The following SPMIP11 variants were observed in gnomAD, a reference collection of about 807,000 sequenced individuals.
The protein encoded by SPMIP11 is long intergenic non-protein coding RNA 935.
chr12:48,760,123 G>A, the SPMIP11 span, among the ~76,000 whole-genome samples: 1 of 151,798 alleles, frequency 6.6e-6, no homozygotes, highest in Non-Finnish European at 1.5e-5. Flanking sequence ...ATTAGACTTG[G>A]AAGCAGAAGA....
At chr12:48,736,721 A>T in the SPMIP11 span, among the ~76,000 whole-genome samples, 5 of 141,940 alleles carry the variant, frequency 3.5e-5, no homozygotes, top group Admixed American at 7.2e-5. Context: ...TTCTTGGCTT[A>T]CTCCCTCCTG....
chr12:48,734,913 G>C, the SPMIP11 span, among the ~76,000 whole-genome samples: 3 of 147,770 alleles, frequency 2.0e-5, no homozygotes, highest in African/African-American at 7.5e-5. Context: ...GCTGAGGCAG[G>C]AGAATGGCAT....
chr12:48,763,681 C>CTTTT, the SPMIP11 span, among the ~76,000 whole-genome samples: 1 of 137,446 alleles, frequency 7.3e-6, no homozygotes, highest in Admixed American at 7.3e-5. Context: ...AGTAAAAGTA[C>CTTTT]TTTTTTTTTT....
At chr12:48,747,431 A>T in the SPMIP11 span, among the ~76,000 whole-genome samples, 2 of 152,218 alleles carry the variant, frequency 1.3e-5, no homozygotes, top group African/African-American at 2.4e-5. Flanking sequence ...ATTCAAAGCC[A>T]AAACTGTAGC....
the SPMIP11 span, chr12:48,765,526 G>A: frequency 1.4e-6 from 1 of 697,730 alleles, no homozygotes; most frequent in East Asian, 2.7e-5. Flanking sequence ...ACCGCGCCCA[G>A]CCTCTTGGGA....
At chr12:48,736,390 G>A in the SPMIP11 span, among the ~76,000 whole-genome samples, 1 of 148,176 alleles carries the variant, frequency 6.7e-6, no homozygotes, top group East Asian at 2.0e-4. Flanking sequence ...CTCCAGCCTG[G>A]GCAACAGAGT....
the SPMIP11 span, among the ~76,000 whole-genome samples, chr12:48,741,884 C>T: frequency 6.6e-6 from 1 of 152,118 alleles, no homozygotes. Flanking sequence ...AGCGATTCTC[C>T]CGCCCCAGCC....
chr12:48,745,776 TTG>T, the SPMIP11 span, among the ~76,000 whole-genome samples: 1 of 152,182 alleles, frequency 6.6e-6, no homozygotes, highest in Middle Eastern at 3.2e-3. Flanking sequence ...AATTATTTAA[TTG>T]TGTATCAAAA....
At chr12:48,748,437 C>T in the SPMIP11 span, among the ~76,000 whole-genome samples, 1 of 151,926 alleles carries the variant, frequency 6.6e-6, no homozygotes, top group Non-Finnish European at 1.5e-5. Flanking sequence ...CCCTCCTCTC[C>T]CCACTACCAT....
At chr12:48,746,829 G>A in the SPMIP11 span, among the ~76,000 whole-genome samples, 3 of 152,008 alleles carry the variant, frequency 2.0e-5, no homozygotes, top group Non-Finnish European at 4.4e-5. Flanking sequence ...GCTGAGGCAG[G>A]AGAATCACTT....
chr12:48,733,479 A>G, the SPMIP11 span, among the ~76,000 whole-genome samples: 1 of 152,202 alleles, frequency 6.6e-6, no homozygotes, highest in Non-Finnish European at 1.5e-5. Flanking sequence ...CTGTGATCCA[A>G]AAATATTAAA....
At chr12:48,746,584 C>T in the SPMIP11 span, among the ~76,000 whole-genome samples, 1 of 151,656 alleles carries the variant, frequency 6.6e-6, no homozygotes, top group Non-Finnish European at 1.5e-5. Context: ...TCAGGCTGAT[C>T]TCGAACCCCT....
chr12:48,758,118 C>T, the SPMIP11 span, among the ~76,000 whole-genome samples: 12 of 151,824 alleles, frequency 7.9e-5, no homozygotes, highest in South Asian at 4.2e-4. Context: ...CAGTGAGCTA[C>T]GATTGCACCA....
the SPMIP11 span, among the ~76,000 whole-genome samples, chr12:48,762,900 T>G: frequency 7.2e-5 from 11 of 151,966 alleles, no homozygotes; most frequent in Non-Finnish European, 1.3e-4. Flanking sequence ...GATTTCCCTG[T>G]TTTTGTTTTT....
the SPMIP11 span, among the ~76,000 whole-genome samples, chr12:48,732,379 T>C: frequency 6.6e-6 from 1 of 152,084 alleles, no homozygotes; most frequent in African/African-American, 2.4e-5. Context: ...GCTCACCTAA[T>C]CAGCACCTAC....
the SPMIP11 span, among the ~76,000 whole-genome samples, chr12:48,755,249 G>C: frequency 6.6e-6 from 1 of 152,068 alleles, no homozygotes; most frequent in Non-Finnish European, 1.5e-5. Flanking sequence ...GTGGTTTTAT[G>C]GCAACCCCCA....
At chr12:48,744,249 A>C in the SPMIP11 span, among the ~76,000 whole-genome samples, 1 of 24,624 alleles carries the variant, frequency 4.1e-5, no homozygotes, top group Non-Finnish European at 9.9e-5. Context: ...GCAACCTCTC[A>C]AAAAAAAAAA....
chr12:48,736,228 A>G, the SPMIP11 span: 6 of 346,614 alleles, frequency 1.7e-5, no homozygotes, highest in South Asian at 1.0e-4. Context: ...ACATGGGGAA[A>G]CCTCGTCTCT....
the SPMIP11 span, among the ~76,000 whole-genome samples, chr12:48,748,231 C>T: frequency 2.6e-5 from 4 of 152,268 alleles, no homozygotes; most frequent in East Asian, 7.7e-4. Context: ...TACTGGAGCC[C>T]ATCCCTTCTC....
Sources: gnomAD v4.1 joint callset for allele counts (sites outside exome capture counted in the v4.1 genomes callset) on GRCh38, gnomAD v4.1.1 for gene constraint, MANE v1.5 for transcripts, NCBI Gene and HGNC (gene_info 2026-07-23, HGNC 2026-07-21) for gene names.